The following SMAD9 variants were observed in gnomAD, a reference collection of about 807,000 sequenced individuals.
SMAD9 encodes SMAD family member 9.
A neutral mutation model predicts 46.1 loss-of-function variants in SMAD9; 36 were observed. The observed-to-expected ratio is 0.78, with a 90% CI of 0.60 to 1.03. The LOEUF (loss-of-function observed/expected upper bound fraction) is 1.03, where lower values mean the gene tolerates loss of function less well. Ranked by LOEUF, SMAD9 falls within the 50% of genes least tolerant of loss-of-function variation. The probability of loss-of-function intolerance (pLI) is 0.00; values close to 1 mark genes in which losing one functional copy is unlikely to be tolerated. For synonymous variants in SMAD9, 245 were observed against 237.1 expected, an observed-to-expected ratio of 1.03 and a Z score of -0.31; for missense variants, 572 against 599.8, an observed-to-expected ratio of 0.95 and a Z score of 0.48.
At chr13:36,869,804 G>A (rs1352549803) in intron 3 of SMAD9, among the ~76,000 whole-genome samples, 6 of 150,760 alleles carry the variant, frequency 4.0e-5, no homozygotes, top group Non-Finnish European at 8.8e-5. Flanking sequence ...ACTCCAGCCT[G>A]GGCAACAAGA....
chr13:36,865,579 T>C lies in SMAD9; in HGVS notation c.961A>G (p.Arg321Gly). 6.2e-7 allele frequency: 1 copy of C among 1,614,192 alleles called. No individual in the cohort carries two copies. The highest frequency in any genetic ancestry group is 8.5e-7 in the Non-Finnish European group (1 of 1,180,004). ...CTGGTATTTTCTATCGTTGAGTTTCTGTTTACATTAGAAAGAAGTCCAAGA... is the reference window on the plus strand; with the variant it reads ...CTGGTATTTTCTATCGTTGAGTTTCCGTTTACATTAGAAAGAAGTCCAAGA... ...FCLGLLSNVNRNSTIENTRRH... is the reference protein window; with the variant it reads ...FCLGLLSNVNGNSTIENTRRH... Residue 321 changes from arginine (R) to glycine (G), a missense_variant, in exon 5 of 7, where the codon AGA becomes GGA. By Grantham distance (125) the Arg-to-Gly change is moderately radical (BLOSUM62 -2). Transcript: ENST00000379826.
intron 1 of SMAD9, among the ~76,000 whole-genome samples, chr13:36,901,862 G>A (rs560775949): frequency 1.3e-5 from 2 of 152,272 alleles, no homozygotes; most frequent in Admixed American, 6.5e-5. Context: ...GTGTATTTTT[G>A]TTGTTGCATT....
chr13:36,885,994 G>A (rs2058441762), intron 1 of SMAD9, among the ~76,000 whole-genome samples: 1 of 152,180 alleles, frequency 6.6e-6, no homozygotes, highest in African/African-American at 2.4e-5. Flanking sequence ...GGATTACAGT[G>A]CATGGAGATC....
chr13:36,855,265 A>G (rs1394213864), intron 5 of SMAD9, among the ~76,000 whole-genome samples: 1 of 151,574 alleles, frequency 6.6e-6, no homozygotes, highest in African/African-American at 2.4e-5. Flanking sequence ...AAAAAAAAAA[A>G]AAAAAAAAAA....
At chr13:36,867,837 G>C (rs2058250853) in intron 3 of SMAD9, among the ~76,000 whole-genome samples, 1 of 152,122 alleles carries the variant, frequency 6.6e-6, no homozygotes, top group African/African-American at 2.4e-5. Flanking sequence ...CAAGATACCT[G>C]AAACGTAATT....
chr13:36,865,022 G>GTT (rs2058218276), intron 5 of SMAD9, among the ~76,000 whole-genome samples: 1 of 152,188 alleles, frequency 6.6e-6, no homozygotes, highest in Non-Finnish European at 1.5e-5. Flanking sequence ...AAAGAGACCA[G>GTT]TATGACTTGT....
intron 5 of SMAD9, among the ~76,000 whole-genome samples, chr13:36,861,269 T>C (rs1005854221): frequency 6.6e-6 from 1 of 152,186 alleles, no homozygotes; most frequent in Non-Finnish European, 1.5e-5. Flanking sequence ...TGAAGGCTAA[T>C]TGATATCTAC....
chr13:36,912,183 T>TC (rs768042465), intron 1 of SMAD9, among the ~76,000 whole-genome samples: 91 of 152,204 alleles, frequency 6.0e-4, no homozygotes, highest in Non-Finnish European at 1.2e-3. Context: ...ATTTAATAGT[T>TC]ATCATGACTA....
intron 1 of SMAD9, among the ~76,000 whole-genome samples, chr13:36,899,492 A>G (rs941745011): frequency 6.6e-5 from 10 of 152,220 alleles, no homozygotes; most frequent in Non-Finnish European, 1.2e-4. Flanking sequence ...TAAAGTAGGA[A>G]GAGTCCAGAT....
chr13:36,902,542 C>A (rs1340264004), intron 1 of SMAD9, among the ~76,000 whole-genome samples: 5 of 152,036 alleles, frequency 3.3e-5, no homozygotes, highest in Non-Finnish European at 7.4e-5. Context: ...CAACCTCTGC[C>A]TCCCGGGTTC....
intron 5 of SMAD9, among the ~76,000 whole-genome samples, chr13:36,858,820 T>G (rs2058151302): frequency 6.6e-6 from 1 of 152,220 alleles, no homozygotes; most frequent in Non-Finnish European, 1.5e-5. Flanking sequence ...TTATGTGTTT[T>G]TGAGACAGTC....
At chr13:36,882,876 A>G (rs752351590) in intron 1 of SMAD9, among the ~76,000 whole-genome samples, 2 of 152,136 alleles carry the variant, frequency 1.3e-5, no homozygotes, top group Non-Finnish European at 2.9e-5. Flanking sequence ...AGGTGGGAGG[A>G]TCACTTGAGC....
At chr13:36,911,756 C>T (rs1438854229) in intron 1 of SMAD9, among the ~76,000 whole-genome samples, 1 of 151,888 alleles carries the variant, frequency 6.6e-6, no homozygotes, top group Non-Finnish European at 1.5e-5. Flanking sequence ...TTTCCCAGGA[C>T]GGAGTACAAT....
chr13:36,896,261 T>C (rs1354620066), intron 1 of SMAD9, among the ~76,000 whole-genome samples: 8 of 151,822 alleles, frequency 5.3e-5, no homozygotes, highest in Admixed American at 5.2e-4. Context: ...GCCTCCCGAG[T>C]AGCTAGGACT....
intron 2 of SMAD9, among the ~76,000 whole-genome samples, chr13:36,877,917 T>C (rs766959510): frequency 6.6e-6 from 1 of 152,148 alleles, no homozygotes; most frequent in Non-Finnish European, 1.5e-5. Flanking sequence ...GACAGGACCA[T>C]CTCTTCACTG....
At chr13:36,853,382 C>T (rs2058091012) in intron 6 of SMAD9, 37 bp downstream of exon 6, 2 of 1,610,812 alleles carry the variant, frequency 1.2e-6, no homozygotes, top group African/African-American at 2.7e-5. Context: ...TTGTTTTTCA[C>T]TGAACATTTT....
chr13:36,900,047 G>A lies in SMAD9; in HGVS notation c.-187+20069C>T, dbSNP rs541403. ...GTGGCATATTAGAATGATCCTGCTTGAGCATGAATCCGTTACCTTCCTGCC... is the reference window on the plus strand; with the variant it reads ...GTGGCATATTAGAATGATCCTGCTTAAGCATGAATCCGTTACCTTCCTGCC... On this transcript the variant is annotated intron_variant, in intron 1 of 6. Transcript: ENST00000379826. 7.1e-3 allele frequency among the ~76,000 whole-genome samples: 1,077 copies of A among 152,178 alleles called. 12 individuals carry two copies. The highest frequency in any genetic ancestry group is 0.025 in the African/African-American group (1,036 of 41,524).
chr13:36,915,417 T>C (rs1444797073), intron 1 of SMAD9, among the ~76,000 whole-genome samples: 1 of 152,154 alleles, frequency 6.6e-6, no homozygotes, highest in Middle Eastern at 3.4e-3. Context: ...TTATAGTCCC[T>C]CAGAATTAAA....
intron 5 of SMAD9, among the ~76,000 whole-genome samples, chr13:36,858,656 C>G (rs2058149680): frequency 6.6e-6 from 1 of 152,156 alleles, no homozygotes; most frequent in African/African-American, 2.4e-5. Flanking sequence ...CCTTACACAC[C>G]ATGCCCACCC....
Sources: gnomAD v4.1 joint callset for allele counts (sites outside exome capture counted in the v4.1 genomes callset) on GRCh38, gnomAD v4.1.1 for gene constraint, MANE v1.5 for transcripts, NCBI Gene and HGNC (gene_info 2026-07-23, HGNC 2026-07-21) for gene names.